Variants in ASB14 observed in about 807,000 individuals in gnomAD.
ASB14 encodes the protein ankyrin repeat and SOCS box containing 14.
In ASB14, 63 loss-of-function variants were observed where a neutral mutation model predicts 55.6. That is an observed-to-expected ratio of 1.13 (90% CI 0.92 to 1.40). The LOEUF (loss-of-function observed/expected upper bound fraction) is 1.40. Ranked by LOEUF, ASB14 falls within the 40% of genes most tolerant of loss-of-function variation. ASB14 has a pLI of 0.00. For missense variants in ASB14, 724 were observed against 710.4 expected (o/e 1.02, Z -0.22); for synonymous variants, 256 against 259.9 (o/e 0.98, Z 0.15).
At chr3:57,284,226 A>C (rs1187501335) in intron 5 of ASB14, among the ~76,000 whole-genome samples, 1 of 151,936 alleles carries the variant, frequency 6.6e-6, no homozygotes. Flanking sequence ...TGCTGGGCTC[A>C]GTCAATCCTC....
chr3:57,288,236 C>T lies in ASB14; in HGVS notation c.229G>A (p.Glu77Lys). 3.3e-6 allele frequency: 5 copies of T among 1,536,702 alleles called. No homozygotes were observed. In the East Asian group the frequency reaches 9.8e-5, roughly 30 times the overall value. ...HLTKYHSAFGEADEIGWIPLH... is the reference protein window; with the variant it reads ...HLTKYHSAFGKADEIGWIPLH... ...GGAATCCAGCCTATCTCATCTGCTT[C>T]ACCAAATGCGGAATGGTACTTGGTT... The change falls in exon 4 of 11, where the codon GAA becomes AAA. Residue 77 changes from glutamate to lysine, a missense_variant. By Grantham distance (56) the Glu-to-Lys change is moderately conservative. Coordinates refer to ENST00000487349, the MANE Select transcript of ASB14 (RefSeq NM_001142733.3).
chr3:57,271,804 A>T (rs2060942082), intron 10 of ASB14: 1 of 152,234 alleles, frequency 6.6e-6, no homozygotes, highest in Admixed American at 6.5e-5. Context: ...TAAACCCATC[A>T]TCTCCATAGG....
chr3:57,272,472 A>G (rs558067477), intron 10 of ASB14: 1 of 152,316 alleles, frequency 6.6e-6, no homozygotes, highest in South Asian at 2.1e-4. Context: ...AAAATCGTAT[A>G]TGGTAAAGGC....
chr3:57,284,189 C>T (rs190712335), intron 5 of ASB14, among the ~76,000 whole-genome samples: 17 of 151,000 alleles, frequency 1.1e-4, no homozygotes, highest in Admixed American at 2.6e-4. Context: ...TGCAGTGGTA[C>T]GATCATAGCT....
intron 10 of ASB14, chr3:57,271,068 C>T (rs933545839): frequency 2.0e-5 from 3 of 151,908 alleles, no homozygotes; most frequent in Admixed American, 6.6e-5. Context: ...TACATAGTCA[C>T]ACATTTACAA....
intron 6 of ASB14, among the ~76,000 whole-genome samples, chr3:57,281,927 G>GTT (rs1292469062): frequency 6.6e-6 from 1 of 152,172 alleles, no homozygotes; most frequent in Non-Finnish European, 1.5e-5. Flanking sequence ...AAATTACTTT[G>GTT]TAAGGAGTCA....
At position 57,288,199 on chromosome 3, in the gene ASB14, G is replaced by A. The variant is rs564452887; in HGVS notation, c.266C>T (p.Ala89Val). 3.2e-5 allele frequency: 49 copies of A among 1,536,930 alleles called. No individual in the cohort carries two copies. The African/African-American group carries it at 5.5e-4, about 17-fold the overall frequency. Reference protein sequence around the residue: ...DEIGWIPLHKAAVQLNRKILE... With the variant: ...DEIGWIPLHKVAVQLNRKILE... ...AATTTTCCTATTTAATTGCACTGCAGCCTTATGCAGAGGAATCCAGCCTAT... is the reference window on the plus strand; with the variant it reads ...AATTTTCCTATTTAATTGCACTGCAACCTTATGCAGAGGAATCCAGCCTAT... Residue 89 changes from alanine (A) to valine (V), a missense_variant, in exon 4 of 11, where the codon GCT (alanine) becomes GTT (valine). Physicochemically the swap from Ala to Val is moderately conservative, Grantham distance 64. Transcript: ENST00000487349.
In ASB14 at chr3:57,269,014, AAAG is replaced by A. The variant is rs1332150827; in HGVS notation, c.*624_*626del. 6.5e-6 allele frequency: 1 copy of A among 153,124 alleles called. No individual in the cohort carries two copies. Among genetic ancestry groups the A allele is most frequent in the Admixed American group, 6.5e-5 (1 of 15,342 alleles). 9.5% of individuals were successfully genotyped at this position (153,124 alleles called of 1,614,324 possible). A position where few individuals can be genotyped will look rare whatever the true frequency, so the allele number is the denominator to read the frequency against. On this transcript the variant is annotated 3_prime_UTR_variant, in exon 11 of 11. Transcript: ENST00000487349. Reference sequence around the variant, plus strand: ...GTTGTAGATTGACAGTAGGAATAGAAAAGAGGAGACAGCTGGGATGCTTAGAAC... The same window carrying A: ...GTTGTAGATTGACAGTAGGAATAGAAAGGAGACAGCTGGGATGCTTAGAAC...
Position 57,276,426 on chromosome 3 carries a change from T to A in ASB14, c.*22+102A>T, listed in dbSNP as rs2107619757. ...TCAGCCTCCCAAGCAGAGCTACTTT[T>A]TAAAGGACTTAGACTGCATTGAGAT... On this transcript the variant is annotated intron_variant, in intron 10 of 10. Coordinates refer to ENST00000487349, the MANE Select transcript of ASB14 (RefSeq NM_001142733.3). 3 of 835,004 alleles carry A rather than the reference T, an allele frequency of 3.6e-6. No individual in the cohort carries two copies. The South Asian group carries it at 6.6e-5, about 18-fold the overall frequency. 51.7% of individuals were successfully genotyped at this position (835,004 alleles called of 1,614,324 possible).
chr3:57,284,989 G>T, intron 5 of ASB14, among the ~76,000 whole-genome samples: 1 of 146,692 alleles, frequency 6.8e-6, no homozygotes. Context: ...ACCCAGGCTG[G>T]AGTGCAGTGG....
rs1393816349 is a variant in ASB14, at chr3:57,268,426, A to C, written c.*1215T>G. 6.2e-6 allele frequency: 10 copies of C among 1,600,324 alleles called. No homozygotes were observed. The highest frequency in any genetic ancestry group is 8.5e-6 in the Non-Finnish European group (10 of 1,172,462). ...CGTAGGGCATCAGAAAAACAAAAAGAAATAGAGAGAGTAAAAGAGAAGCAA... is the reference window on the plus strand; with the variant it reads ...CGTAGGGCATCAGAAAAACAAAAAGCAATAGAGAGAGTAAAAGAGAAGCAA... On this transcript the variant is annotated 3_prime_UTR_variant, in exon 11 of 11. Transcript: ENST00000487349.
At chr3:57,273,822 TC>T in intron 10 of ASB14, among the ~76,000 whole-genome samples, 2 of 152,340 alleles carry the variant, frequency 1.3e-5, no homozygotes, top group Middle Eastern at 3.4e-3. Flanking sequence ...TGCATATTCA[TC>T]CCATGTGCTC....
Position 57,288,039 on chromosome 3 carries a change from C to G in ASB14, c.331G>C (p.Glu111Gln). The change falls in exon 5 of 11, where the codon GAG becomes CAG. Residue 111 changes from glutamate (E) to glutamine (Q), a missense_variant. Glu to Gln is a conservative substitution (Grantham distance 29). Coordinates refer to ENST00000487349, the MANE Select transcript of ASB14 (RefSeq NM_001142733.3). ...TLSASDPSLW[E>Q]QTTHNGETPL... ...GTTTCACCATTGTGAGTGGTTTGCTCCCACAGACTGGGGTCTGAAGCTGAA... is the reference window on the plus strand; with the variant it reads ...GTTTCACCATTGTGAGTGGTTTGCTGCCACAGACTGGGGTCTGAAGCTGAA... 6.5e-7 allele frequency: 1 copy of G among 1,537,314 alleles called. No individual in the cohort carries two copies. Among genetic ancestry groups the G allele is most frequent in the Middle Eastern group, 1.7e-4 (1 of 5,990 alleles).
chr3:57,284,867 G>T (rs1230765959), intron 5 of ASB14, among the ~76,000 whole-genome samples: 3 of 151,850 alleles, frequency 2.0e-5, no homozygotes, highest in Non-Finnish European at 4.4e-5. Flanking sequence ...TAGCATCTTG[G>T]GACAAACCAT....
In ASB14 at chr3:57,278,672, C is replaced by G. The variant is rs762725080; in HGVS notation, c.1136G>C (p.Gly379Ala). Residue 379 changes from glycine (G) to alanine (A), a missense_variant, in exon 8 of 11, where the codon GGA becomes GCA. Coordinates refer to ENST00000487349, the MANE Select transcript of ASB14 (RefSeq NM_001142733.3). ...AACCGGGTCTTGATTAGGCAGAGCTCCAGCACTCAGAAGCAGCTTGACTGA... is the reference window on the plus strand; with the variant it reads ...AACCGGGTCTTGATTAGGCAGAGCTGCAGCACTCAGAAGCAGCTTGACTGA... ...LSSVKLLLSA[G>A]ALPNQDPVNC... The G allele has an allele frequency of 1.1e-5, 18 of 1,614,072 alleles. No individual in the cohort carries two copies. In the Admixed American group the frequency reaches 2.7e-4, roughly 24 times the overall value.
At chr3:57,285,851 C>T (rs2061077249) in intron 5 of ASB14, among the ~76,000 whole-genome samples, 1 of 152,092 alleles carries the variant, frequency 6.6e-6, no homozygotes, top group Admixed American at 6.5e-5. Context: ...CGTTATTCCC[C>T]TCATCTTAGG....
rs1199668835 is a variant in ASB14 at position 57,276,548 on chromosome 3, G to A, written c.*2C>T. The A allele has an allele frequency of 6.2e-7, 1 of 1,602,152 alleles. No homozygotes were observed. The highest frequency in any genetic ancestry group is 2.2e-5 in the East Asian group (1 of 44,744). ...TATACCTTTTCCATTAGAATGGTTT[G>A]ATTACCAGGTTCCTGTAAAAATTCC... On this transcript the variant is annotated 3_prime_UTR_variant, in exon 10 of 11. Coordinates refer to ENST00000487349, the MANE Select transcript of ASB14 (RefSeq NM_001142733.3).
chr3:57,268,665 T>A lies in ASB14; in HGVS notation c.*976A>T. 6 of 515,002 alleles carry A rather than the reference T, an allele frequency of 1.2e-5. No individual in the cohort carries two copies. The highest frequency in any genetic ancestry group is 1.8e-5 in the Non-Finnish European group (6 of 326,660). The allele number at this position is 515,002 out of a possible 1,614,324, so 31.9% of individuals were successfully genotyped here. A position where few individuals can be genotyped will look rare whatever the true frequency, so the allele number is the denominator to read the frequency against. On this transcript the variant is annotated 3_prime_UTR_variant, in exon 11 of 11. Coordinates refer to ENST00000487349, the MANE Select transcript of ASB14 (RefSeq NM_001142733.3). ...CACATCTGTTTTTTGATATGATGTT[T>A]ACATTATAGTTACGTTGACATGTAA... is the stretch of plus-strand genomic sequence containing the variant.
intron 6 of ASB14, among the ~76,000 whole-genome samples, chr3:57,282,249 T>C (rs982944572): frequency 5.3e-5 from 8 of 152,314 alleles, no homozygotes; most frequent in African/African-American, 1.9e-4. Flanking sequence ...TTTTTAAATA[T>C]GAGTCTCTGC....
Sources: allele counts gnomAD v4.1 joint callset (sites outside exome capture counted in the v4.1 genomes callset), GRCh38; gene constraint gnomAD v4.1.1; transcripts MANE v1.5; gene names NCBI Gene and HGNC (gene_info 2026-07-23, HGNC 2026-07-21).